Variants in NWD2 observed in about 807,000 individuals in gnomAD.
NWD2 encodes the protein NACHT and WD repeat domain-containing protein 2.
NWD2 carries 37 observed loss-of-function variants against 132.7 expected under a neutral mutation model. The ratio of observed to expected loss-of-function variants is 0.28; its 90% CI spans 0.21 to 0.37. The LOEUF (loss-of-function observed/expected upper bound fraction) is 0.37, where lower values mean the gene tolerates loss of function less well. Ranked by LOEUF, NWD2 falls within the 10% of genes least tolerant of loss-of-function variation. The pLI is 1.00. For synonymous variants in NWD2, 705 were observed against 803.0 expected (o/e 0.88, Z 2.06); for missense variants, 1,592 against 2,122.4 (o/e 0.75, Z 4.91).
At chr4:37,259,071 A>G (rs1198926823) in intron 1 of NWD2, among the ~76,000 whole-genome samples, 1 of 152,164 alleles carries the variant, frequency 6.6e-6, no homozygotes, top group Non-Finnish European at 1.5e-5. Context: ...GGCAGTGCAG[A>G]TTTCAAGGAC....
In NWD2 at chr4:37,430,620, G is replaced by A; in HGVS notation, c.406G>A (p.Glu136Lys). Residue 136 changes from glutamate to lysine, a missense_variant, in exon 4 of 7, where the codon GAA becomes AAA. By Grantham distance (56) the Glu-to-Lys change is moderately conservative. Around this residue, in one of 7 missense-constraint regions of NWD2, gnomAD observed 144 missense variants for 185.7 expected, o/e 0.78. Coordinates refer to ENST00000309447, the MANE Select transcript of NWD2 (RefSeq NM_001144990.2). ...GAATATCCGAATCCCTGGAGAAGTT[G>A]AAGCCTCAGAGTTTGAAATGATTTT... is the stretch of plus-strand genomic sequence containing the variant. ...YGNIRIPGEV[E>K]ASEFEMILDA... 6.4e-7 allele frequency: 1 copy of A among 1,551,608 alleles called. No homozygotes were observed. Among genetic ancestry groups the A allele is most frequent in the East Asian group, 2.4e-5 (1 of 40,924 alleles).
At chr4:37,271,564 C>T (rs1253333307) in intron 1 of NWD2, among the ~76,000 whole-genome samples, 1 of 151,718 alleles carries the variant, frequency 6.6e-6, no homozygotes, top group African/African-American at 2.4e-5. Context: ...TTCCTAAATT[C>T]ACTTATGAGT....
intron 1 of NWD2, among the ~76,000 whole-genome samples, chr4:37,282,725 G>A (rs760977558): frequency 4.6e-5 from 7 of 152,064 alleles, no homozygotes; most frequent in Admixed American, 6.6e-5. Flanking sequence ...CACATTTACC[G>A]AAGATAGTGA....
chr4:37,425,378 T>G (rs1056347682), intron 3 of NWD2, among the ~76,000 whole-genome samples: 23 of 152,206 alleles, frequency 1.5e-4, no homozygotes, highest in Admixed American at 6.5e-5. Context: ...TATTTGAGTG[T>G]TGTATTGTTG....
At chr4:37,277,300 A>G (rs1340391642) in intron 1 of NWD2, among the ~76,000 whole-genome samples, 2 of 152,008 alleles carry the variant, frequency 1.3e-5, no homozygotes, top group African/African-American at 4.8e-5. Context: ...TCTTTAATAC[A>G]CAAATTAATT....
At chr4:37,253,252 C>A (rs747138491) in intron 1 of NWD2, among the ~76,000 whole-genome samples, 7 of 152,170 alleles carry the variant, frequency 4.6e-5, no homozygotes, top group Admixed American at 1.3e-4. Context: ...AAAGAGTTTG[C>A]AGATAGAAGA....
chr4:37,326,146 A>G (rs964553320), intron 2 of NWD2, 122 bp downstream of exon 2: 5 of 599,156 alleles, frequency 8.3e-6, no homozygotes, highest in Non-Finnish European at 1.2e-5. Flanking sequence ...TATTTCTTCA[A>G]GCATGGGTAA....
chr4:37,434,787 CT>C (rs10707634), intron 5 of NWD2, among the ~76,000 whole-genome samples: 76,164 of 142,570 alleles, frequency 0.53, 19,753 homozygotes, highest in Middle Eastern at 0.58. Flanking sequence ...TTTTTTTTTT[CT>C]TTTTTTTTTT....
chr4:37,253,209 A>G (rs1306376466), intron 1 of NWD2, among the ~76,000 whole-genome samples: 2 of 152,232 alleles, frequency 1.3e-5, no homozygotes, highest in Non-Finnish European at 2.9e-5. Flanking sequence ...CAAGTTCTGA[A>G]CTAACTGAAA....
chr4:37,301,672 C>G (rs905049707), intron 1 of NWD2, among the ~76,000 whole-genome samples: 1 of 151,390 alleles, frequency 6.6e-6, no homozygotes, highest in Non-Finnish European at 1.5e-5. Flanking sequence ...GCGTTATTGG[C>G]TTTTGTGGTT....
At chr4:37,292,981 T>C (rs961418914) in intron 1 of NWD2, among the ~76,000 whole-genome samples, 2 of 152,142 alleles carry the variant, frequency 1.3e-5, no homozygotes, top group Non-Finnish European at 2.9e-5. Context: ...GACCTGGGGG[T>C]TGGGGGCCTC....
At chr4:37,348,680 A>ATATATATATG (rs1719698427) in intron 2 of NWD2, among the ~76,000 whole-genome samples, 1 of 127,522 alleles carries the variant, frequency 7.8e-6, no homozygotes. Context: ...ATATATACAC[A>ATATATATATG]CACACACACA....
At chr4:37,421,269 G>T (rs1711799674) in intron 3 of NWD2, among the ~76,000 whole-genome samples, 1 of 152,192 alleles carries the variant, frequency 6.6e-6, no homozygotes, top group Non-Finnish European at 1.5e-5. Flanking sequence ...TAAGGCAACT[G>T]CCAGGATTAG....
intron 1 of NWD2, among the ~76,000 whole-genome samples, chr4:37,308,693 G>T (rs954476354): frequency 2.0e-5 from 3 of 152,184 alleles, no homozygotes; most frequent in Admixed American, 1.3e-4. Context: ...CTACTAGATT[G>T]GTAGGTCACC....
intron 1 of NWD2, among the ~76,000 whole-genome samples, chr4:37,321,585 A>G (rs1719070520): frequency 6.6e-6 from 1 of 152,214 alleles, no homozygotes; most frequent in Non-Finnish European, 1.5e-5. Flanking sequence ...TACACTGTTT[A>G]AAGAGGGCCC....
At chr4:37,279,519 A>C (rs1337882090) in intron 1 of NWD2, among the ~76,000 whole-genome samples, 1 of 152,222 alleles carries the variant, frequency 6.6e-6, no homozygotes, top group East Asian at 1.9e-4. Flanking sequence ...AGAAATATGC[A>C]GTGAAAAGTA....
At chr4:37,404,938 G>A (rs557413996) in intron 3 of NWD2, among the ~76,000 whole-genome samples, 10 of 152,274 alleles carry the variant, frequency 6.6e-5, no homozygotes, top group East Asian at 3.9e-4. Context: ...ATGAGAGAGC[G>A]CCTTTCTGAT....
intron 3 of NWD2, among the ~76,000 whole-genome samples, chr4:37,381,401 T>G (rs1182059086): frequency 1.3e-5 from 2 of 152,286 alleles, no homozygotes; most frequent in East Asian, 3.9e-4. Context: ...TCCCCAGGTT[T>G]GTCTTCTCTC....
intron 3 of NWD2, among the ~76,000 whole-genome samples, chr4:37,414,407 G>C (rs1721223171): frequency 6.6e-6 from 1 of 150,812 alleles, no homozygotes; most frequent in African/African-American, 2.4e-5. Flanking sequence ...TCACCTTATA[G>C]AGAAGTACAC....
Sources: allele counts gnomAD v4.1 joint callset (sites outside exome capture counted in the v4.1 genomes callset), GRCh38; gene constraint gnomAD v4.1.1; regional missense constraint gnomAD v4.1.1; transcripts MANE v1.5; gene names NCBI Gene and HGNC (gene_info 2026-07-23, HGNC 2026-07-21).